DCC: variants seen among roughly 807,000 people sequenced by gnomAD.
DCC encodes DCC netrin 1 receptor.
A neutral mutation model predicts 172.5 loss-of-function variants in DCC; 58 were observed. The observed-to-expected ratio is 0.34, with a 90% CI of 0.27 to 0.42. DCC has a LOEUF of 0.42. DCC is among the 10% of genes least tolerant of loss of function. DCC has a pLI of 1.00. For missense variants in DCC, 1,740 were observed against 1,791.0 expected (o/e 0.97, Z 0.51); for synonymous variants, 709 against 644.5 (o/e 1.10, Z -1.52).
In DCC at chr18:52,453,147, C is replaced by A. The variant is rs527683662; in HGVS notation, c.91+112269C>A. 4.8e-4 allele frequency among the ~76,000 whole-genome samples: 73 copies of A among 152,288 alleles called. 1 individual carries two copies. Among genetic ancestry groups the A allele is most frequent in the African/African-American group, 1.7e-3 (71 of 41,564 alleles). On this transcript the variant is annotated intron_variant, in intron 1 of 28. Coordinates refer to ENST00000442544, the MANE Select transcript of DCC (RefSeq NM_005215.4). ...ATATAGCTACCCTCAAATAAAAGAGCAGCTAAGCTCTTGTAGAACATGACG... is the reference window on the plus strand; with the variant it reads ...ATATAGCTACCCTCAAATAAAAGAGAAGCTAAGCTCTTGTAGAACATGACG...
intron 12 of DCC, among the ~76,000 whole-genome samples, chr18:53,266,027 C>G (rs543132450): frequency 2.0e-4 from 31 of 152,302 alleles, no homozygotes; most frequent in Non-Finnish European, 3.8e-4. Flanking sequence ...AAGTTTCTCC[C>G]TCTGGGCCTT....
At chr18:53,015,783 C>T (rs181193532) in intron 5 of DCC, among the ~76,000 whole-genome samples, 21 of 152,110 alleles carry the variant, frequency 1.4e-4, no homozygotes, top group Middle Eastern at 3.4e-3. Flanking sequence ...CAAACAAATG[C>T]ACTGAACTGA....
chr18:52,438,042 C>T (rs1987853205), intron 1 of DCC, among the ~76,000 whole-genome samples: 1 of 152,142 alleles, frequency 6.6e-6, no homozygotes, highest in South Asian at 2.1e-4. Context: ...TCAGGTAGAA[C>T]AGCAATACAG....
chr18:53,267,620 A>G (rs2056696640), intron 12 of DCC, among the ~76,000 whole-genome samples: 3 of 152,146 alleles, frequency 2.0e-5, no homozygotes, highest in Admixed American at 2.0e-4. Flanking sequence ...AATCATGCCC[A>G]ACTAATTTTT....
At chr18:53,060,090 A>G (rs2042472109) in intron 5 of DCC, among the ~76,000 whole-genome samples, 1 of 151,674 alleles carries the variant, frequency 6.6e-6, no homozygotes, top group South Asian at 2.1e-4. Flanking sequence ...TGCAAACTCT[A>G]CCTCCCAGAT....
chr18:52,666,564 C>T (rs750657372), intron 1 of DCC, among the ~76,000 whole-genome samples: 8 of 152,116 alleles, frequency 5.3e-5, no homozygotes, highest in Non-Finnish European at 7.4e-5. Flanking sequence ...ATTTATGATT[C>T]GTGTTTCTGC....
At chr18:53,334,126 C>T (rs2057564634) in intron 14 of DCC, among the ~76,000 whole-genome samples, 1 of 152,204 alleles carries the variant, frequency 6.6e-6, no homozygotes, top group African/African-American at 2.4e-5. Flanking sequence ...ATCATCTTCA[C>T]AACAGCCATC....
chr18:53,471,278 C>T (rs890803548), intron 25 of DCC, among the ~76,000 whole-genome samples: 9 of 152,170 alleles, frequency 5.9e-5, no homozygotes, highest in South Asian at 2.1e-4. Context: ...TATCCATCCA[C>T]GCAAGTGTTT....
At position 52,959,583 on chromosome 18, in the gene DCC, T is replaced by C. The variant is rs149650103; in HGVS notation, c.985+34213T>C. On this transcript the variant is annotated intron_variant, in intron 5 of 28. Coordinates refer to ENST00000442544, the MANE Select transcript of DCC (RefSeq NM_005215.4). ...TCCTCCCCACTTTTTGAGTTCCCAG[T>C]GTCTGTCATTCCCAAACTTAAGTTT... Among the ~76,000 whole-genome samples the C allele has an allele frequency of 1.7e-3, 259 of 151,234 alleles. 5 individuals carry two copies. In the East Asian group the frequency reaches 0.042, roughly 25 times the overall value.
rs531822006 is a variant in DCC at position 52,942,393 on chromosome 18, A to G, written c.985+17023A>G. On this transcript the variant is annotated intron_variant, in intron 5 of 28. Coordinates refer to ENST00000442544, the MANE Select transcript of DCC (RefSeq NM_005215.4). ...GCCTTTTGTTTTATATTTTAATACT[A>G]TTTAGTATGGAAAGACTGTTTTAGG... Among the ~76,000 whole-genome samples the G allele has an allele frequency of 5.9e-5, 9 of 152,220 alleles. No individual in the cohort carries two copies. The South Asian group carries it at 1.9e-3, about 32-fold the overall frequency.
At chr18:53,171,884 T>C (rs983760665) in intron 8 of DCC, among the ~76,000 whole-genome samples, 1 of 151,148 alleles carries the variant, frequency 6.6e-6, no homozygotes, top group African/African-American at 2.4e-5. Flanking sequence ...AAACAATAGA[T>C]GCTGGTGAGG....
intron 7 of DCC, among the ~76,000 whole-genome samples, chr18:53,138,876 A>G (rs1304172093): frequency 2.0e-5 from 3 of 152,244 alleles, no homozygotes; most frequent in Admixed American, 2.0e-4. Context: ...CATGACAATT[A>G]TACAATACTT....
chr18:53,035,160 CTG>C (rs56806063), intron 5 of DCC, among the ~76,000 whole-genome samples: 47 of 148,922 alleles, frequency 3.2e-4, no homozygotes, highest in Non-Finnish European at 4.8e-4. Flanking sequence ...AAACATTTAT[CTG>C]TGTGTGTGTG....
intron 7 of DCC, among the ~76,000 whole-genome samples, chr18:53,119,231 T>C (rs2043449145): frequency 6.6e-6 from 1 of 151,864 alleles, no homozygotes; most frequent in African/African-American, 2.4e-5. Flanking sequence ...GTACATTCTT[T>C]ATCTCTGCTA....
chr18:53,490,818 A>G (rs760567429), intron 26 of DCC, among the ~76,000 whole-genome samples: 3 of 152,212 alleles, frequency 2.0e-5, no homozygotes, highest in Non-Finnish European at 4.4e-5. Context: ...TTGCTGCCTT[A>G]AGTGTCAGGC....
intron 1 of DCC, among the ~76,000 whole-genome samples, chr18:52,479,589 C>CGT (rs1491542958): frequency 7.0e-6 from 1 of 142,702 alleles, no homozygotes; most frequent in Admixed American, 7.2e-5. Context: ...CACCCCCCCC[C>CGT]CGTCTCCCTT....
At chr18:52,449,772 A>T (rs147772965) in intron 1 of DCC, among the ~76,000 whole-genome samples, 1 of 152,116 alleles carries the variant, frequency 6.6e-6, no homozygotes, top group South Asian at 2.1e-4. Flanking sequence ...TGTTCTCATG[A>T]TAGTGAATAA....
intron 5 of DCC, among the ~76,000 whole-genome samples, chr18:52,926,355 G>A (rs763011610): frequency 8.6e-5 from 13 of 151,756 alleles, no homozygotes; most frequent in African/African-American, 2.2e-4. Context: ...AGATAATGAC[G>A]TTGCTTGTTC....
intron 1 of DCC, among the ~76,000 whole-genome samples, chr18:52,401,329 A>G (rs950551739): frequency 2.6e-5 from 4 of 151,950 alleles, no homozygotes; most frequent in Non-Finnish European, 4.4e-5. Flanking sequence ...CCATTTCTCC[A>G]TCTCTACTGA....
Sources: allele counts gnomAD v4.1 joint callset (sites outside exome capture counted in the v4.1 genomes callset), GRCh38; gene constraint gnomAD v4.1.1; transcripts MANE v1.5; gene names NCBI Gene and HGNC (gene_info 2026-07-23, HGNC 2026-07-21).